Variants in PTPRD observed in about 807,000 individuals in gnomAD.
PTPRD encodes receptor-type tyrosine-protein phosphatase delta.
A neutral mutation model predicts 214.5 loss-of-function variants in PTPRD; 34 were observed. The observed-to-expected ratio is 0.16, with a 90% CI of 0.12 to 0.21. The LOEUF (loss-of-function observed/expected upper bound fraction) is 0.21. PTPRD is among the 10% of genes least tolerant of loss of function. The probability of loss-of-function intolerance (pLI) is 1.00; values close to 1 mark genes in which losing one functional copy is unlikely to be tolerated. For synonymous variants in PTPRD, 1,128 were observed against 845.7 expected, an observed-to-expected ratio of 1.33 and a Z score of -5.79; for missense variants, 2,545 against 2,398.7, an observed-to-expected ratio of 1.06 and a Z score of -1.27.
intron 3 of PTPRD, among the ~76,000 whole-genome samples, chr9:10,106,389 C>A (rs972671472): frequency 1.3e-5 from 2 of 151,794 alleles, no homozygotes; most frequent in Non-Finnish European, 2.9e-5. Flanking sequence ...AGTGTACCTA[C>A]TGTATATAAA....
chr9:10,252,185 T>G (rs1345829136), intron 3 of PTPRD, among the ~76,000 whole-genome samples: 1 of 116,750 alleles, frequency 8.6e-6, no homozygotes, highest in Non-Finnish European at 2.0e-5. Context: ...GTCTTCTTTC[T>G]TTGAAGCTGC....
chr9:8,775,297 G>T (rs775386064), intron 11 of PTPRD, among the ~76,000 whole-genome samples: 1 of 151,976 alleles, frequency 6.6e-6, no homozygotes, highest in Admixed American at 6.6e-5. Context: ...AAAGACCTGG[G>T]GCAACATTTA....
rs535801856 is a variant in PTPRD at position 9,050,191 on chromosome 9, A to G, written c.-142-31456T>C. On this transcript the variant is annotated intron_variant, in intron 10 of 45. Coordinates refer to ENST00000381196, the MANE Select transcript of PTPRD (RefSeq NM_002839.4). ...AGAGGCATAAATGACAAAATACATT[A>G]GAATACTTTTTCCCTTTAACATTAT... Among the ~76,000 whole-genome samples the G allele has an allele frequency of 1.7e-4, 26 of 152,386 alleles. 1 individual carries two copies. In the South Asian group the frequency reaches 5.0e-3, roughly 29 times the overall value.
chr9:8,800,808 A>G (rs2096556134), intron 11 of PTPRD, among the ~76,000 whole-genome samples: 1 of 152,154 alleles, frequency 6.6e-6, no homozygotes. Context: ...GAACCCTCTC[A>G]TGGGGTCTGG....
At chr9:8,726,606 T>A (rs1255722611) in intron 12 of PTPRD, among the ~76,000 whole-genome samples, 95 of 1,652 alleles carry the variant, frequency 0.058, 30 homozygotes, top group African/African-American at 0.23. Flanking sequence ...TATATATATA[T>A]ATATATATAT....
chr9:8,344,029 T>C (rs1416979355), intron 39 of PTPRD, among the ~76,000 whole-genome samples: 4 of 152,060 alleles, frequency 2.6e-5, no homozygotes, highest in Non-Finnish European at 5.9e-5. Flanking sequence ...GCTGGTCTCC[T>C]GATATGCCAT....
intron 4 of PTPRD, among the ~76,000 whole-genome samples, chr9:9,979,513 A>G (rs1447511042): frequency 6.6e-6 from 1 of 152,074 alleles, no homozygotes; most frequent in East Asian, 1.9e-4. Context: ...AAAATAAAAA[A>G]TCAACACAAT....
At chr9:8,730,232 G>A (rs1019259129) in intron 12 of PTPRD, among the ~76,000 whole-genome samples, 2 of 152,140 alleles carry the variant, frequency 1.3e-5, no homozygotes, top group African/African-American at 4.8e-5. Flanking sequence ...CTCCAGCCTA[G>A]GCGACTGAGC....
chr9:9,999,526 T>C (rs2096256987), intron 4 of PTPRD, among the ~76,000 whole-genome samples: 2 of 152,330 alleles, frequency 1.3e-5, no homozygotes, highest in South Asian at 4.1e-4. Flanking sequence ...TGTAACTTTG[T>C]AGCTTCCCAA....
At chr9:9,081,768 T>C (rs1028459810) in intron 10 of PTPRD, among the ~76,000 whole-genome samples, 5 of 152,136 alleles carry the variant, frequency 3.3e-5, no homozygotes, top group Non-Finnish European at 2.9e-5. Context: ...TTTGTCTTTT[T>C]TGATCTTTGT....
intron 8 of PTPRD, among the ~76,000 whole-genome samples, chr9:9,426,918 T>A (rs1371056569): frequency 1.3e-5 from 2 of 151,926 alleles, no homozygotes; most frequent in Non-Finnish European, 2.9e-5. Context: ...GTCACCATCA[T>A]CAAAGACCAA....
At chr9:9,364,694 G>A (rs912144837) in intron 9 of PTPRD, among the ~76,000 whole-genome samples, 9 of 151,486 alleles carry the variant, frequency 5.9e-5, no homozygotes, top group South Asian at 2.1e-4. Context: ...AAGGAAAAAC[G>A]AGCAAGGAAA....
At chr9:10,494,360 C>T (rs1374213179) in intron 2 of PTPRD, among the ~76,000 whole-genome samples, 1 of 151,638 alleles carries the variant, frequency 6.6e-6, no homozygotes, top group Non-Finnish European at 1.5e-5. Context: ...TATATAAGAT[C>T]ATTTACTCTA....
intron 8 of PTPRD, among the ~76,000 whole-genome samples, chr9:9,570,169 A>C (rs997797143): frequency 4.6e-5 from 7 of 151,572 alleles, no homozygotes; most frequent in African/African-American, 1.4e-4. Flanking sequence ...TATGTTACCA[A>C]AACTTTTTAC....
chr9:10,548,005 G>A (rs915996457), intron 2 of PTPRD, among the ~76,000 whole-genome samples: 2 of 152,014 alleles, frequency 1.3e-5, no homozygotes, highest in African/African-American at 2.4e-5. Flanking sequence ...AATCTGATGG[G>A]CTATTGAGAG....
chr9:8,430,281 T>C (rs1441339754), intron 35 of PTPRD, among the ~76,000 whole-genome samples: 1 of 151,704 alleles, frequency 6.6e-6, no homozygotes, highest in East Asian at 1.9e-4. Context: ...TTTTTTTTAC[T>C]TTTTTTCAGA....
At chr9:8,825,287 A>G (rs1419086414) in intron 11 of PTPRD, among the ~76,000 whole-genome samples, 2 of 152,214 alleles carry the variant, frequency 1.3e-5, no homozygotes, top group African/African-American at 4.8e-5. Context: ...TAAGTTTGAT[A>G]ACTTAAAGGA....
chr9:9,243,533 C>CA (rs2099971458), intron 9 of PTPRD, among the ~76,000 whole-genome samples: 1 of 152,070 alleles, frequency 6.6e-6, no homozygotes, highest in South Asian at 2.1e-4. Context: ...GAACCAAAGA[C>CA]AAAAACCACA....
intron 8 of PTPRD, among the ~76,000 whole-genome samples, chr9:9,466,454 G>GA (rs1317971754): frequency 2.0e-5 from 3 of 152,038 alleles, no homozygotes; most frequent in African/African-American, 4.8e-5. Flanking sequence ...AATCACTGTA[G>GA]AAAAAAATAA....
Sources: allele counts gnomAD v4.1 joint callset (sites outside exome capture counted in the v4.1 genomes callset), GRCh38; gene constraint gnomAD v4.1.1; transcripts MANE v1.5; gene names NCBI Gene and HGNC (gene_info 2026-07-23, HGNC 2026-07-21).